AFF3: variants seen among roughly 807,000 people sequenced by gnomAD.
AFF3 encodes the protein AF4/FMR2 family member 3.
A neutral mutation model predicts 129.7 loss-of-function variants in AFF3; 32 were observed. That is an observed-to-expected ratio of 0.25 (90% CI 0.19 to 0.33). AFF3 has a LOEUF of 0.33. AFF3 is among the 10% of genes least tolerant of loss of function. The probability of loss-of-function intolerance (pLI) is 1.00; values close to 1 mark genes in which losing one functional copy is unlikely to be tolerated. For synonymous variants in AFF3, 644 were observed against 635.4 expected (o/e 1.01, Z -0.20); for missense variants, 1,373 against 1,592.0 (o/e 0.86, Z 2.34).
intron 13 of AFF3, among the ~76,000 whole-genome samples, chr2:99,642,208 C>T (rs1684269942): frequency 6.6e-6 from 1 of 152,094 alleles, no homozygotes; most frequent in Non-Finnish European, 1.5e-5. Flanking sequence ...AGAGACTTCT[C>T]GATAGCATCA....
intron 8 of AFF3, among the ~76,000 whole-genome samples, chr2:99,812,628 T>C (rs1434419078): frequency 3.9e-5 from 6 of 152,214 alleles, no homozygotes; most frequent in Non-Finnish European, 2.9e-5. Flanking sequence ...CCTTTCTTAA[T>C]TGTCTAACGC....
chr2:99,947,456 AG>A, intron 7 of AFF3, among the ~76,000 whole-genome samples: 2 of 150,570 alleles, frequency 1.3e-5, no homozygotes, highest in Non-Finnish European at 2.9e-5. Context: ...ATAGAAAGAC[AG>A]GAAAGACAGG....
intron 10 of AFF3, among the ~76,000 whole-genome samples, chr2:99,729,025 A>G (rs1460914080): frequency 6.6e-6 from 1 of 152,142 alleles, no homozygotes; most frequent in East Asian, 1.9e-4. Flanking sequence ...ATAAGACAAA[A>G]CTAAATGGAA....
chr2:99,837,547 T>G (rs781006323), intron 7 of AFF3, 23 bp from the exon 8 acceptor site: 4 of 1,608,490 alleles, frequency 2.5e-6, no homozygotes, highest in Admixed American at 1.7e-5. Flanking sequence ...AAAAAAAAAT[T>G]AAGCCTGATG....
intron 18 of AFF3, among the ~76,000 whole-genome samples, chr2:99,575,954 T>G (rs1224317784): frequency 1.3e-5 from 2 of 152,108 alleles, no homozygotes; most frequent in Non-Finnish European, 2.9e-5. Context: ...CTCACGCCTA[T>G]AATCCTGCAC....
At chr2:99,806,916 A>T (rs1349567231) in intron 8 of AFF3, among the ~76,000 whole-genome samples, 1 of 152,198 alleles carries the variant, frequency 6.6e-6, no homozygotes, top group Non-Finnish European at 1.5e-5. Flanking sequence ...AGAAAGAGAC[A>T]TACTCCTGGA....
At chr2:99,994,995 T>G (rs951962860) in intron 7 of AFF3, among the ~76,000 whole-genome samples, 1 of 152,122 alleles carries the variant, frequency 6.6e-6, no homozygotes, top group East Asian at 1.9e-4. Flanking sequence ...TCAGAAAATT[T>G]GTGAGATCAG....
intron 4 of AFF3, among the ~76,000 whole-genome samples, chr2:100,082,886 G>A (rs1689139120): frequency 6.6e-6 from 1 of 152,132 alleles, no homozygotes; most frequent in African/African-American, 2.4e-5. Context: ...TTCAAGACCA[G>A]CCTGACCAAC....
intron 11 of AFF3, among the ~76,000 whole-genome samples, chr2:99,681,058 G>A (rs1037165174): frequency 6.6e-6 from 1 of 151,336 alleles, no homozygotes; most frequent in East Asian, 1.9e-4. Context: ...TGGGCATCAG[G>A]TTTTTTTTTC....
chr2:99,993,145 CA>C (rs1680509967), intron 7 of AFF3, among the ~76,000 whole-genome samples: 2 of 152,254 alleles, frequency 1.3e-5, no homozygotes, highest in Non-Finnish European at 1.5e-5. Flanking sequence ...CTCAGATTGA[CA>C]ATGATAGAAA....
intron 7 of AFF3, among the ~76,000 whole-genome samples, chr2:99,939,037 C>T (rs942407671): frequency 2.6e-5 from 4 of 152,206 alleles, no homozygotes; most frequent in Non-Finnish European, 5.9e-5. Flanking sequence ...TTTTTGAGTA[C>T]CAACATGACA....
intron 4 of AFF3, among the ~76,000 whole-genome samples, chr2:100,013,245 C>T (rs1464320161): frequency 1.3e-5 from 2 of 152,148 alleles, no homozygotes; most frequent in African/African-American, 4.8e-5. Flanking sequence ...ATGAAACTGT[C>T]ATCATTTCCA....
chr2:99,956,646 A>C (rs1676678356), intron 7 of AFF3, among the ~76,000 whole-genome samples: 1 of 152,354 alleles, frequency 6.6e-6, no homozygotes, highest in South Asian at 2.1e-4. Context: ...CCAGATTTTG[A>C]CAACTCAAAA....
chr2:100,016,151 T>C lies in AFF3; in HGVS notation c.54-7219A>G, dbSNP rs563491520. Among the ~76,000 whole-genome samples, 20 of 149,828 alleles carry C rather than the reference T, an allele frequency of 1.3e-4. No individual in the cohort carries two copies. The East Asian group carries it at 3.6e-3, about 27-fold the overall frequency. On this transcript the variant is annotated intron_variant, in intron 4 of 24. Transcript: ENST00000672756. ...ATGGTGGTGGTGATGGTGGTGGTGG[T>C]AGAGGTGCTGGTGGTGGTGGTAGTT... is the stretch of plus-strand genomic sequence containing the variant.
intron 8 of AFF3, among the ~76,000 whole-genome samples, chr2:99,755,496 A>G (rs991050104): frequency 5.0e-4 from 76 of 151,950 alleles, no homozygotes; most frequent in African/African-American, 1.8e-3. Context: ...CGAACTTCCG[A>G]CCTCAGGTGA....
chr2:99,915,592 T>C (rs1228745560), intron 7 of AFF3, among the ~76,000 whole-genome samples: 1 of 152,194 alleles, frequency 6.6e-6, no homozygotes, highest in Non-Finnish European at 1.5e-5. Context: ...TGAGATTGGT[T>C]TAATTCACTG....
At chr2:99,712,204 TTCCTAGG>T (rs1291896849) in intron 11 of AFF3, among the ~76,000 whole-genome samples, 1 of 152,192 alleles carries the variant, frequency 6.6e-6, no homozygotes, top group African/African-American at 2.4e-5. Context: ...GGTTAAAACT[TTCCTAGG>T]TCCTACTGGA....
intron 8 of AFF3, among the ~76,000 whole-genome samples, chr2:99,771,516 C>T (rs558730967): frequency 3.3e-5 from 5 of 152,022 alleles, no homozygotes; most frequent in African/African-American, 1.2e-4. Context: ...AGGAAGAAGG[C>T]TGGCACAAAT....
chr2:99,903,613 T>C (rs1333936129), intron 7 of AFF3, among the ~76,000 whole-genome samples: 1 of 152,178 alleles, frequency 6.6e-6, no homozygotes, highest in African/African-American at 2.4e-5. Flanking sequence ...TTAAGATAAA[T>C]AAAATCAGAT....
Sources: allele counts gnomAD v4.1 joint callset (sites outside exome capture counted in the v4.1 genomes callset), GRCh38; gene constraint gnomAD v4.1.1; transcripts MANE v1.5; gene names NCBI Gene and HGNC (gene_info 2026-07-23, HGNC 2026-07-21).